Variants in CFTR observed in about 807,000 individuals in gnomAD.
The protein encoded by CFTR is cystic fibrosis transmembrane conductance regulator.
In CFTR, 181 loss-of-function variants were observed where a neutral mutation model predicts 171.6. The observed-to-expected ratio is 1.05, with a 90% CI of 0.93 to 1.19. The LOEUF is 1.19. CFTR is among the 50% of genes most tolerant of loss of function. The probability of loss-of-function intolerance (pLI) is 0.00; values close to 1 mark genes in which losing one functional copy is unlikely to be tolerated. For missense variants in CFTR, 1,968 were observed against 1,734.7 expected (o/e 1.13, Z -2.39); for synonymous variants, 583 against 608.0 (o/e 0.96, Z 0.60).
At chr7:117,539,413 C>A (rs971290785) in intron 7 of CFTR, among the ~76,000 whole-genome samples, 11 of 151,576 alleles carry the variant, frequency 7.3e-5, no homozygotes, top group Non-Finnish European at 1.2e-4. Context: ...ATTAAAAGAA[C>A]CACTTGGGTT....
chr7:117,534,209 TA>T, intron 4 of CFTR, 66 bp from the exon 5 acceptor site: 1 of 756,740 alleles, frequency 1.3e-6, no homozygotes, highest in Non-Finnish European at 2.3e-6. Flanking sequence ...AGTCATATTA[TA>T]ATTTTACTTA....
At chr7:117,580,987 T>G (rs1400391662) in intron 11 of CFTR, among the ~76,000 whole-genome samples, 1 of 152,182 alleles carries the variant, frequency 6.6e-6, no homozygotes, top group African/African-American at 2.4e-5. Flanking sequence ...GCAAGATACA[T>G]TTTCTCAGAA....
intron 22 of CFTR, 92 bp downstream of exon 22, chr7:117,627,862 A>T (rs1206872951): frequency 7.8e-7 from 1 of 1,278,476 alleles, no homozygotes; most frequent in African/African-American, 1.5e-5. Flanking sequence ...TCTATTTGTA[A>T]CATTATTATT....
At chr7:117,495,579 T>G (rs568426336) in intron 1 of CFTR, among the ~76,000 whole-genome samples, 2 of 152,260 alleles carry the variant, frequency 1.3e-5, no homozygotes, top group African/African-American at 4.8e-5. Context: ...TTCATAGTTG[T>G]CCCAGAAGTT....
At chr7:117,546,045 G>A (rs1799141308) in intron 9 of CFTR, among the ~76,000 whole-genome samples, 1 of 151,900 alleles carries the variant, frequency 6.6e-6, no homozygotes, top group South Asian at 2.1e-4. Flanking sequence ...CCAGGCTGGA[G>A]TGCAGTGGTG....
intron 1 of CFTR, among the ~76,000 whole-genome samples, chr7:117,490,188 A>G: frequency 6.6e-6 from 1 of 151,742 alleles, no homozygotes; most frequent in East Asian, 1.9e-4. Context: ...AACCTCAGCT[A>G]CTCTCGTCAG....
rs1164244606 is a variant in CFTR at position 117,538,989 on chromosome 7, A to C, written c.870-1111A>C. 6.6e-6 allele frequency among the ~76,000 whole-genome samples: 1 copy of C among 152,214 alleles called. No individual in the cohort carries two copies. The highest frequency in any genetic ancestry group is 2.4e-5 in the African/African-American group (1 of 41,470). On this transcript the variant is annotated intron_variant, in intron 7 of 26. Transcript: ENST00000003084. ...CTTAGTTCTGCACTTGAGAATGAGA[A>C]TAGCTTTTCTGAATTATACAAGGAA...
chr7:117,602,738 A>C, intron 15 of CFTR, 88 bp from the exon 16 acceptor site: 1 of 1,046,512 alleles, frequency 9.6e-7, no homozygotes, highest in Non-Finnish European at 1.5e-6. Flanking sequence ...ACACACATCA[A>C]ATGGTGTGAT....
chr7:117,647,128 C>T (rs1245393273), intron 23 of CFTR, among the ~76,000 whole-genome samples: 2 of 151,802 alleles, frequency 1.3e-5, no homozygotes, highest in African/African-American at 2.4e-5. Flanking sequence ...TTCTTGAAAA[C>T]AAAGCAACAC....
chr7:117,649,278 A>ATG (rs375570103), intron 23 of CFTR, among the ~76,000 whole-genome samples: 293 of 137,332 alleles, frequency 2.1e-3, no homozygotes, highest in East Asian at 9.7e-3. Context: ...TATACATGGG[A>ATG]TGTGTGTGTG....
chr7:117,587,867 G>A, intron 12 of CFTR, 34 bp downstream of exon 12: 2 of 1,229,484 alleles, frequency 1.6e-6, no homozygotes, highest in Non-Finnish European at 2.4e-6. Context: ...GCAAGCATTT[G>A]CTGTAAATGT....
chr7:117,642,704 C>T, intron 23 of CFTR, 111 bp downstream of exon 23: 2 of 1,172,916 alleles, frequency 1.7e-6, no homozygotes, highest in East Asian at 2.6e-5. Flanking sequence ...ATTTGTTATG[C>T]ATTGCTGTCT....
chr7:117,582,169 C>T (rs1172614981), intron 11 of CFTR, among the ~76,000 whole-genome samples: 1 of 152,134 alleles, frequency 6.6e-6, no homozygotes, highest in East Asian at 1.9e-4. Context: ...TCATAGTTAG[C>T]ACTCTTTATG....
In CFTR at chr7:117,603,764, C is replaced by T. The variant is rs1461367862; in HGVS notation, c.2890C>T (p.Leu964Phe). 1.9e-6 allele frequency: 3 copies of T among 1,613,830 alleles called. No homozygotes were observed. The highest frequency in any genetic ancestry group is 2.2e-5 in the East Asian group (1 of 44,884). The change falls in exon 17 of 27, where the codon CTC (leucine) becomes TTC (phenylalanine). Residue 964 changes from leucine to phenylalanine, a missense_variant. Transcript: ENST00000003084. ...HSVLQAPMST[L>F]NTLKAGGILN... ...TGTTCTTCAAGCACCTATGTCAACC[C>T]TCAACACGTTGAAAGCAGGTACTTT...
chr7:117,640,459 A>T lies in CFTR; in HGVS notation c.3718-1979A>T, dbSNP rs537108749. On this transcript the variant is annotated intron_variant, in intron 22 of 26. Transcript: ENST00000003084. The stretch of plus-strand genomic sequence containing the variant: ...AATTTTAGTATTTTTTTCTGAAGAA[A>T]AGGGAACATGGACATTTATCTAATC... 7.2e-5 allele frequency among the ~76,000 whole-genome samples: 11 copies of T among 152,296 alleles called. No homozygotes were observed. The East Asian group carries it at 2.1e-3, about 29-fold the overall frequency.
intron 11 of CFTR, among the ~76,000 whole-genome samples, chr7:117,571,211 GT>G (rs1374168971): frequency 6.6e-6 from 1 of 152,172 alleles, no homozygotes; most frequent in Non-Finnish European, 1.5e-5. Flanking sequence ...TGATGGGTAG[GT>G]AAGTATGAAG....
chr7:117,585,189 C>G (rs1363051627), intron 11 of CFTR, among the ~76,000 whole-genome samples: 1 of 151,520 alleles, frequency 6.6e-6, no homozygotes, highest in Non-Finnish European at 1.5e-5. Flanking sequence ...CTTTCTTTTT[C>G]TCCTCTGCAC....
chr7:117,525,938 G>A (rs2116663862), intron 3 of CFTR, among the ~76,000 whole-genome samples: 1 of 149,478 alleles, frequency 6.7e-6, no homozygotes, highest in East Asian at 2.0e-4. Context: ...ATGTTAGCTG[G>A]TGATTTTGCT....
In CFTR at chr7:117,529,815, A is replaced by G. The variant is rs1183232354; in HGVS notation, c.274-1084A>G. Among the ~76,000 whole-genome samples, 5 of 152,146 alleles carry G rather than the reference A, an allele frequency of 3.3e-5. No individual in the cohort carries two copies. In the East Asian group the frequency reaches 9.7e-4, roughly 29 times the overall value. On this transcript the variant is annotated intron_variant, in intron 3 of 26. Transcript: ENST00000003084. The stretch of plus-strand genomic sequence containing the variant: ...GGGATGAGGCAGAATAATGCTTGGC[A>G]ATACCAGGGGTAGGCTGCAGTCTTT...
Sources: allele counts gnomAD v4.1 joint callset (sites outside exome capture counted in the v4.1 genomes callset), GRCh38; gene constraint gnomAD v4.1.1; transcripts MANE v1.5; gene names NCBI Gene and HGNC (gene_info 2026-07-23, HGNC 2026-07-21).